PCDHGA2: variants seen among roughly 807,000 people sequenced by gnomAD.
The protein encoded by PCDHGA2 is protocadherin gamma-A2.
A neutral mutation model predicts 59.2 loss-of-function variants in PCDHGA2; 40 were observed. The observed-to-expected ratio is 0.68, with a 90% CI of 0.52 to 0.88. The LOEUF (loss-of-function observed/expected upper bound fraction) is 0.88, where lower values mean the gene tolerates loss of function less well. PCDHGA2 is among the 40% of genes least tolerant of loss of function. The pLI is 0.00. For missense variants in PCDHGA2, 1,226 were observed against 1,204.0 expected (o/e 1.02, Z -0.27); for synonymous variants, 560 against 526.0 (o/e 1.06, Z -0.89).
chr5:141,459,068 A>G (rs1278498678), intron 1 of PCDHGA2, among the ~76,000 whole-genome samples: 1 of 152,226 alleles, frequency 6.6e-6, no homozygotes, highest in African/African-American at 2.4e-5. Flanking sequence ...TATATAACAT[A>G]AAATTTGCCT....
At chr5:141,465,894 G>A (rs970043849) in intron 1 of PCDHGA2, among the ~76,000 whole-genome samples, 1 of 152,098 alleles carries the variant, frequency 6.6e-6, no homozygotes, top group Non-Finnish European at 1.5e-5. Flanking sequence ...AGGCCGAGGC[G>A]GGCAAATCAC....
rs1249501921 is a variant in PCDHGA2, at chr5:141,340,182, T to G, written c.1211T>G (p.Leu404Arg). Residue 404 changes from leucine to arginine, a missense_variant, in exon 1 of 4, where the codon CTG becomes CGG. Transcript: ENST00000394576. ...LEKSVDNYYR[L>R]VTTRALDREQ... ...AAGTCAGTAGACAATTACTACCGAC[T>G]GGTTACAACCAGAGCCCTTGACAGG... 2.5e-6 allele frequency: 4 copies of G among 1,614,122 alleles called. No homozygotes were observed. Among genetic ancestry groups the G allele is most frequent in the African/African-American group, 2.7e-5 (2 of 74,942 alleles).
Position 141,485,465 on chromosome 5 carries a change from C to T in PCDHGA2, c.2425-9342C>T. ...AATCGACCGAGAGGCACTGTGTGGG[C>T]TCAGTGCCAGCTGCATCGTGCCCCT... On this transcript the variant is annotated intron_variant, in intron 1 of 3. Coordinates refer to ENST00000394576, the MANE Select transcript of PCDHGA2 (RefSeq NM_018915.4). This position sits in a 1 kb window ranked among gnomAD's most constrained non-coding sequence, Gnocchi z 5.7. 6.2e-7 allele frequency: 1 copy of T among 1,614,162 alleles called. No homozygotes were observed.
At chr5:141,402,870 C>G in intron 1 of PCDHGA2, 1 of 1,449,300 alleles carries the variant, frequency 6.9e-7, no homozygotes, top group Non-Finnish European at 9.1e-7. Flanking sequence ...AAAAGATCAC[C>G]ATACTTTGCA....
chr5:141,339,564 G>C lies in PCDHGA2; in HGVS notation c.593G>C (p.Arg198Pro), dbSNP rs1167979752. 2 of 1,614,172 alleles carry C rather than the reference G, an allele frequency of 1.2e-6. No homozygotes were observed. The highest frequency in any genetic ancestry group is 1.7e-5 in the Admixed American group (1 of 60,032). The change falls in exon 1 of 4, where the codon CGC (arginine) becomes CCC (proline). Residue 198 changes from arginine to proline, a missense_variant. Coordinates refer to ENST00000394576, the MANE Select transcript of PCDHGA2 (RefSeq NM_018915.4). ...GNKYPELVLERSLDREEEAVH... is the reference protein window; with the variant it reads ...GNKYPELVLEPSLDREEEAVH... ...AAGTACCCAGAACTGGTGCTGGAGCGCTCTCTGGACCGCGAGGAAGAGGCT... is the reference window on the plus strand; with the variant it reads ...AAGTACCCAGAACTGGTGCTGGAGCCCTCTCTGGACCGCGAGGAAGAGGCT...
At chr5:141,418,481 C>G (rs1438009750) in intron 1 of PCDHGA2, 1 of 1,614,006 alleles carries the variant, frequency 6.2e-7, no homozygotes, top group Admixed American at 1.7e-5. Context: ...GCAGAGCGCT[C>G]ACCACTTGGT....
rs1306500688 is a variant in PCDHGA2 at position 141,491,142 on chromosome 5, A to T, written c.2425-3665A>T. ...GTGAGGTGCGCACAGCCCGGGCCTTACTGGAGGATGACTCTGACACCCAGC... is the reference window on the plus strand; with the variant it reads ...GTGAGGTGCGCACAGCCCGGGCCTTTCTGGAGGATGACTCTGACACCCAGC... On this transcript the variant is annotated intron_variant, in intron 1 of 3. Coordinates refer to ENST00000394576, the MANE Select transcript of PCDHGA2 (RefSeq NM_018915.4). This position sits in a 1 kb window ranked among gnomAD's most constrained non-coding sequence, Gnocchi z 6.9. 6.2e-7 allele frequency: 1 copy of T among 1,614,090 alleles called. No homozygotes were observed. Among genetic ancestry groups the T allele is most frequent in the Non-Finnish European group, 8.5e-7 (1 of 1,179,976 alleles).
chr5:141,345,251 G>A (rs1238716873), intron 1 of PCDHGA2: 4 of 1,613,748 alleles, frequency 2.5e-6, no homozygotes, highest in African/African-American at 2.7e-5. Context: ...GCTTAGTGAC[G>A]GCCACATCCC....
rs781500930 is a variant in PCDHGA2, at chr5:141,376,588, TC to T, written c.2424+35194del. 8 of 1,575,434 alleles carry T rather than the reference TC, an allele frequency of 5.1e-6. No homozygotes were observed. The South Asian group carries it at 8.1e-5, about 16-fold the overall frequency. ...TAATCAGACAGGCTCATCAGCTAGA[TC>T]GGCTGTTATAGAAGCGAACCTCTTT... On this transcript the variant is annotated intron_variant, in intron 1 of 3. Transcript: ENST00000394576.
chr5:141,395,259 C>A, intron 1 of PCDHGA2: 1 of 1,551,968 alleles, frequency 6.4e-7, no homozygotes, highest in South Asian at 1.2e-5. Context: ...TCTTTGCTTG[C>A]TTTTAATTTC....
intron 1 of PCDHGA2, among the ~76,000 whole-genome samples, chr5:141,492,685 C>T (rs919981996): frequency 1.3e-5 from 2 of 152,242 alleles, no homozygotes; most frequent in African/African-American, 2.4e-5. Context: ...CAAGGGTCGG[C>T]GACCCCTCAA....
intron 1 of PCDHGA2, among the ~76,000 whole-genome samples, chr5:141,358,460 G>C (rs1316337795): frequency 1.3e-5 from 2 of 152,076 alleles, no homozygotes; most frequent in Non-Finnish European, 2.9e-5. Context: ...AAGAATACTG[G>C]CAATTTGTGA....
rs761853399 is a variant in PCDHGA2, at chr5:141,389,296, A to G, written c.2424+47901A>G. On this transcript the variant is annotated intron_variant, in intron 1 of 3. Transcript: ENST00000394576. ...AACCCGCCTGGAGCCTCTATTTCAC[A>G]AGTCAGGGCTTCTGATCCGGACTTG... is the stretch of plus-strand genomic sequence containing the variant. The G allele has an allele frequency of 3.7e-6, 6 of 1,613,988 alleles. No individual in the cohort carries two copies. The South Asian group carries it at 6.6e-5, about 18-fold the overall frequency.
At chr5:141,478,142 G>C in intron 1 of PCDHGA2, 1 of 1,613,988 alleles carries the variant, frequency 6.2e-7, no homozygotes, top group South Asian at 1.1e-5. Flanking sequence ...AGCCCGAGCC[G>C]AGTTCCCCTC....
chr5:141,435,372 T>C (rs2097759153), intron 1 of PCDHGA2, among the ~76,000 whole-genome samples: 1 of 152,216 alleles, frequency 6.6e-6, no homozygotes, highest in African/African-American at 2.4e-5. Context: ...CACTTAAATA[T>C]ACAATATACC....
intron 3 of PCDHGA2, among the ~76,000 whole-genome samples, chr5:141,505,698 G>A (rs1041309644): frequency 2.0e-5 from 3 of 152,280 alleles, no homozygotes; most frequent in Admixed American, 6.5e-5. Context: ...GGAGGAGAGC[G>A]AACAAGGAAA....
At chr5:141,429,378 T>TTTG (rs2097208019) in intron 1 of PCDHGA2, among the ~76,000 whole-genome samples, 1 of 105,336 alleles carries the variant, frequency 9.5e-6, no homozygotes, top group African/African-American at 5.2e-5. Flanking sequence ...AGAAAATGTG[T>TTTG]TTTTTTTTTA....
chr5:141,398,469 G>A (rs1490431965), intron 1 of PCDHGA2: 1 of 1,604,084 alleles, frequency 6.2e-7, no homozygotes, highest in Admixed American at 1.7e-5. Context: ...AAAATCCACT[G>A]AACTTTTATC....
intron 1 of PCDHGA2, chr5:141,414,274 G>C: frequency 1.9e-6 from 3 of 1,613,368 alleles, no homozygotes; most frequent in Non-Finnish European, 2.5e-6. Flanking sequence ...TTCACCTCTG[G>C]GAACAGTCGT....
Sources: gnomAD v4.1 joint callset for allele counts (sites outside exome capture counted in the v4.1 genomes callset) on GRCh38, gnomAD v4.1.1 for gene constraint, Gnocchi (gnomAD v3.1) non-coding constraint, MANE v1.5 for transcripts, NCBI Gene and HGNC (gene_info 2026-07-23, HGNC 2026-07-21) for gene names.